Variants in ARHGAP6 observed in about 807,000 individuals in gnomAD.
ARHGAP6 encodes the protein rho GTPase-activating protein 6.
A neutral mutation model predicts 55.7 loss-of-function variants in ARHGAP6; 16 were observed. That is an observed-to-expected ratio of 0.29 (90% confidence interval 0.19 to 0.44). The LOEUF (loss-of-function observed/expected upper bound fraction) is 0.44. Ranked by LOEUF, ARHGAP6 falls within the 20% of genes least tolerant of loss-of-function variation. The pLI, the probability that ARHGAP6 is intolerant of heterozygous loss-of-function variation, is 1.00. For missense variants in ARHGAP6, 698 were observed against 808.9 expected, an observed-to-expected ratio of 0.86 and a Z score of 1.66; for synonymous variants, 382 against 360.9, an observed-to-expected ratio of 1.06 and a Z score of -0.66.
chrX:11,289,501 G>C lies in ARHGAP6; in HGVS notation c.589-34794C>G, dbSNP rs764272750. On this transcript the variant is annotated intron_variant, in intron 1 of 12. Transcript: ENST00000337414. ...TGGCGAATATCTCCCCAAATGGAGA[G>C]AAGGGAGAGCAGGGAGGGAGGGAGA... Among the ~76,000 whole-genome samples, 30 of 111,973 alleles carry C rather than the reference G, an allele frequency of 2.7e-4. No individual in the cohort carries two copies. In the South Asian group the frequency reaches 3.4e-3, roughly 13 times the overall value.
intron 1 of ARHGAP6, among the ~76,000 whole-genome samples, chrX:11,483,061 C>T (rs992263226): frequency 3.6e-5 from 4 of 111,872 alleles, no homozygotes; most frequent in Non-Finnish European, 5.6e-5. Context: ...AGAGACTGCA[C>T]CAGAGGAACA....
At chrX:11,223,610 G>A (rs1326927425) in intron 2 of ARHGAP6, among the ~76,000 whole-genome samples, 1 of 111,849 alleles carries the variant, frequency 8.9e-6, no homozygotes, top group African/African-American at 3.2e-5. Flanking sequence ...ACAATATTAA[G>A]TTATGTAGAA....
chrX:11,621,504 T>C, intron 1 of ARHGAP6, among the ~76,000 whole-genome samples: 1 of 111,375 alleles, frequency 9.0e-6, no homozygotes, highest in Middle Eastern at 4.6e-3. Flanking sequence ...AAGGAAAAAT[T>C]CAAAAGATAG....
intron 1 of ARHGAP6, among the ~76,000 whole-genome samples, chrX:11,328,595 C>T (rs2048525799): frequency 8.9e-6 from 1 of 112,257 alleles, no homozygotes; most frequent in Admixed American, 9.5e-5. Context: ...CTCTGCCACA[C>T]TGGCTAAAAT....
intron 3 of ARHGAP6, among the ~76,000 whole-genome samples, chrX:11,195,967 A>AAG (rs2046531041): frequency 1.1e-5 from 1 of 91,992 alleles, no homozygotes; most frequent in Non-Finnish European, 2.1e-5. Flanking sequence ...TACAAAAAAA[A>AAG]AAAAAAAAAA....
intron 8 of ARHGAP6, among the ~76,000 whole-genome samples, chrX:11,176,254 TA>T (rs747740452): frequency 0.041 from 2,858 of 68,918 alleles, 284 homozygotes; most frequent in African/African-American, 0.13. Flanking sequence ...TATATATATA[TA>T]TATATATATT....
At chrX:11,386,100 C>G (rs767110260) in intron 1 of ARHGAP6, among the ~76,000 whole-genome samples, 48 of 112,660 alleles carry the variant, frequency 4.3e-4, no homozygotes, top group African/African-American at 1.4e-3. Context: ...GCAGGCACAG[C>G]AAATCTAGCC....
intron 1 of ARHGAP6, among the ~76,000 whole-genome samples, chrX:11,339,294 C>G (rs890891735): frequency 5.4e-5 from 6 of 111,782 alleles, no homozygotes; most frequent in African/African-American, 1.9e-4. Context: ...CGACTTTTAT[C>G]CATGTTCTTT....
chrX:11,647,395 T>C (rs747828786), intron 1 of ARHGAP6, among the ~76,000 whole-genome samples: 2 of 112,096 alleles, frequency 1.8e-5, no homozygotes, highest in Non-Finnish European at 3.8e-5. Flanking sequence ...TCTCTTAGCC[T>C]CCCACATTAA....
intron 1 of ARHGAP6, among the ~76,000 whole-genome samples, chrX:11,604,576 TAGCCTATCTGG>T (rs2052012894): frequency 8.9e-6 from 1 of 111,942 alleles, no homozygotes; most frequent in Admixed American, 9.4e-5. Context: ...GGCTCAAACC[TAGCCTATCTGG>T]GGCCTCTCCC....
chrX:11,437,876 C>G (rs1215030983), intron 1 of ARHGAP6, among the ~76,000 whole-genome samples: 5 of 112,103 alleles, frequency 4.5e-5, no homozygotes, highest in African/African-American at 1.6e-4. Flanking sequence ...GACAGGCACA[C>G]AGAACTGGTA....
intron 10 of ARHGAP6, among the ~76,000 whole-genome samples, chrX:11,155,590 G>A (rs910800037): frequency 1.8e-5 from 2 of 111,994 alleles, no homozygotes; most frequent in African/African-American, 6.5e-5. Flanking sequence ...ACGGGATTAC[G>A]TTAGGAGCTT....
intron 1 of ARHGAP6, among the ~76,000 whole-genome samples, chrX:11,368,025 C>T: frequency 8.9e-6 from 1 of 112,418 alleles, no homozygotes; most frequent in South Asian, 3.7e-4. Context: ...CCTGAAATGC[C>T]GTCTGACTCA....
At position 11,351,520 on chromosome X, in the gene ARHGAP6, G is replaced by A. The variant is rs987985364; in HGVS notation, c.589-96813C>T. 3.1e-5 allele frequency: 28 copies of A among 916,861 alleles called. No homozygotes were observed. The African/African-American group carries it at 5.6e-4, about 18-fold the overall frequency. The allele number at this position is 916,861 out of a possible 1,213,427, so 75.6% of individuals were successfully genotyped here. ...TCTCGTCCTGCTGGATAGTGGCGTT[G>A]GAAGTGATTAGAGTAGAAAGGGGAA... is the stretch of plus-strand genomic sequence containing the variant. On this transcript the variant is annotated intron_variant, in intron 1 of 12. Coordinates refer to ENST00000337414, the MANE Select transcript of ARHGAP6 (RefSeq NM_013427.3).
chrX:11,595,106 T>C (rs1212720569), intron 1 of ARHGAP6, among the ~76,000 whole-genome samples: 2 of 110,666 alleles, frequency 1.8e-5, no homozygotes, highest in African/African-American at 6.6e-5. Context: ...CTGGCCAACA[T>C]GGTAAAACCC....
At chrX:11,371,217 G>A (rs1158945549) in intron 1 of ARHGAP6, among the ~76,000 whole-genome samples, 1 of 111,741 alleles carries the variant, frequency 8.9e-6, no homozygotes, top group East Asian at 2.8e-4. Flanking sequence ...TCACCAGATT[G>A]GTTCTACAAG....
intron 1 of ARHGAP6, among the ~76,000 whole-genome samples, chrX:11,538,532 A>G (rs1287689423): frequency 9.0e-6 from 1 of 111,558 alleles, no homozygotes; most frequent in Non-Finnish European, 1.9e-5. Context: ...CTTTATGCAG[A>G]TTTCAGGAAG....
intron 2 of ARHGAP6, among the ~76,000 whole-genome samples, chrX:11,231,218 T>C (rs1602924451): frequency 8.9e-6 from 1 of 112,469 alleles, no homozygotes; most frequent in South Asian, 3.7e-4. Flanking sequence ...TTAGTGCTTT[T>C]AAATTCTAGA....
chrX:11,361,291 G>T (rs1157644305), intron 1 of ARHGAP6, among the ~76,000 whole-genome samples: 1 of 109,935 alleles, frequency 9.1e-6, no homozygotes, highest in Non-Finnish European at 1.9e-5. Context: ...GCATGGTACT[G>T]GTACCAAAAC....
Sources: gnomAD v4.1 joint callset for allele counts (sites outside exome capture counted in the v4.1 genomes callset) on GRCh38, gnomAD v4.1.1 for gene constraint, MANE v1.5 for transcripts, NCBI Gene and HGNC (gene_info 2026-07-23, HGNC 2026-07-21) for gene names.